FRMPD4: variants seen among roughly 807,000 people sequenced by gnomAD.
FRMPD4 encodes the protein FERM and PDZ domain-containing protein 4.
FRMPD4 carries 22 observed loss-of-function variants against 94.1 expected under a neutral mutation model. That is an observed-to-expected ratio of 0.23 (90% confidence interval 0.17 to 0.33). FRMPD4 has a LOEUF of 0.33. Ranked by LOEUF, FRMPD4 falls within the 10% of genes least tolerant of loss-of-function variation. The pLI, the probability that FRMPD4 is intolerant of heterozygous loss-of-function variation, is 1.00. For missense variants in FRMPD4, 1,111 were observed against 1,339.9 expected, an observed-to-expected ratio of 0.83 and a Z score of 2.67; for synonymous variants, 631 against 548.6, an observed-to-expected ratio of 1.15 and a Z score of -2.10.
At chrX:12,169,283 A>G (rs1203211610) in intron 1 of FRMPD4, among the ~76,000 whole-genome samples, 1 of 111,916 alleles carries the variant, frequency 8.9e-6, no homozygotes, top group African/African-American at 3.3e-5. Context: ...CTGGAGGAAA[A>G]CTAAAGAGGA....
Position 12,498,728 on chromosome X carries a change from C to A in FRMPD4, c.90C>A (p.Gly30=). 8.3e-7 allele frequency: 1 copy of A among 1,203,756 alleles called. No individual in the cohort carries two copies. The highest frequency in any genetic ancestry group is 1.1e-6 in the Non-Finnish European group (1 of 890,286). The change falls in exon 2 of 17, where the codon GGC becomes GGA. Residue 30 remains glycine, a synonymous_variant. Transcript: ENST00000675598. ...SGWPPPSGTW[G]LSQVPPYGWE... ...GGCCGCCTCCCTCGGGAACCTGGGG[C>A]TTGAGCCAGGTGCCGCCCTATGGAT...
At chrX:12,190,688 C>T (rs1345187072) in intron 1 of FRMPD4, among the ~76,000 whole-genome samples, 1 of 78,308 alleles carries the variant, frequency 1.3e-5, no homozygotes, top group Admixed American at 1.4e-4. Flanking sequence ...AACGGGACAT[C>T]CACATTAAAA....
At chrX:12,654,433 C>CA (rs917614678) in intron 4 of FRMPD4, among the ~76,000 whole-genome samples, 1 of 110,633 alleles carries the variant, frequency 9.0e-6, no homozygotes, top group Non-Finnish European at 1.9e-5. Context: ...TCTCCATCAG[C>CA]AAAAAAGGGG....
chrX:12,162,018 T>A (rs1406944007), intron 1 of FRMPD4, among the ~76,000 whole-genome samples: 1 of 111,687 alleles, frequency 9.0e-6, no homozygotes, highest in African/African-American at 3.3e-5. Flanking sequence ...ACGGCCTTTG[T>A]ACATTTTGTT....
intron 9 of FRMPD4, among the ~76,000 whole-genome samples, chrX:12,694,807 C>A (rs966729207): frequency 4.5e-5 from 5 of 111,538 alleles, no homozygotes; most frequent in African/African-American, 1.6e-4. Context: ...GGTCAATTAC[C>A]AAAATAATTC....
rs58794898 is a variant in FRMPD4 at position 12,305,725 on chromosome X, G to GTTTTTTTTTTTTTTTTTTTTTTT, written c.41+166735_41+166736insTTTTTTTTTTTTTTTTTTTTTTT. ...GGCATGTACCACCACAGCTGGCTAA[G>GTTTTTTTTTTTTTTTTTTTTTTT]TTTTTTTTTTTTTTTTTTTTTTACA... On this transcript the variant is annotated intron_variant, in intron 1 of 16. Transcript: ENST00000675598. Among the ~76,000 whole-genome samples the GTTTTTTTTTTTTTTTTTTTTTTT allele has an allele frequency of 2.5e-4, 15 of 59,699 alleles. 1 individual carries two copies. Among genetic ancestry groups the GTTTTTTTTTTTTTTTTTTTTTTT allele is most frequent in the Admixed American group, 8.5e-4 (3 of 3,517 alleles). 51.8% of individuals were successfully genotyped at this position (59,699 alleles called of 115,157 possible).
chrX:12,199,237 A>ATGTGTGTG lies in FRMPD4; in HGVS notation c.41+60251_41+60258dup, dbSNP rs5901464. 9.1e-3 allele frequency among the ~76,000 whole-genome samples: 829 copies of ATGTGTGTG among 91,255 alleles called. 6 individuals carry two copies. The highest frequency in any genetic ancestry group is 0.024 in the African/African-American group (572 of 24,067). The allele number at this position is 91,255 out of a possible 115,157, so 79.2% of individuals were successfully genotyped here. Reference sequence around the variant, plus strand: ...GACAATTTAAATGTTAGAAAGGAAAATGTGTGTGTGTGTGTGTGTGTGTGT... The same window carrying ATGTGTGTG: ...GACAATTTAAATGTTAGAAAGGAAAATGTGTGTGTGTGTGTGTGTGTGTGTGTGTGTGT... On this transcript the variant is annotated intron_variant, in intron 1 of 16. Coordinates refer to ENST00000675598, the MANE Select transcript of FRMPD4 (RefSeq NM_001368397.1).
At chrX:11,942,100 T>C (rs1214065348) in intron 3 of FRMPD4, among the ~76,000 whole-genome samples, 1 of 112,447 alleles carries the variant, frequency 8.9e-6, no homozygotes. Context: ...CAGTATAAAC[T>C]TACGTATTTA....
chrX:12,534,842 T>C lies in FRMPD4; in HGVS notation c.158+36046T>C, dbSNP rs746460525. Among the ~76,000 whole-genome samples, 9 of 112,304 alleles carry C rather than the reference T, an allele frequency of 8.0e-5. No homozygotes were observed. In the South Asian group the frequency reaches 2.2e-3, roughly 28 times the overall value. ...ACTTGCCTTGTTTCAGATGAGACTT[T>C]GGACTGTGGGCTTTTGAGTTAATCC... is the stretch of plus-strand genomic sequence containing the variant. On this transcript the variant is annotated intron_variant, in intron 2 of 16. Transcript: ENST00000675598.
chrX:12,587,003 A>C (rs370172814), intron 2 of FRMPD4, among the ~76,000 whole-genome samples: 1 of 109,543 alleles, frequency 9.1e-6, no homozygotes, highest in Admixed American at 9.7e-5. Context: ...TTGAGACGGA[A>C]TCTCACTCTG....
chrX:12,675,467 T>A (rs949040412), intron 5 of FRMPD4, among the ~76,000 whole-genome samples: 1 of 109,952 alleles, frequency 9.1e-6, no homozygotes, highest in African/African-American at 3.3e-5. Flanking sequence ...ATAATCTGCG[T>A]ACCATAAAAT....
intron 2 of FRMPD4, among the ~76,000 whole-genome samples, chrX:12,573,528 A>G (rs1321187892): frequency 8.9e-6 from 1 of 112,258 alleles, no homozygotes; most frequent in Non-Finnish European, 1.9e-5. Context: ...TACAGTGGTA[A>G]TATGGAGCCA....
At chrX:11,928,009 A>G (rs1436431187) in intron 3 of FRMPD4, among the ~76,000 whole-genome samples, 2 of 112,540 alleles carry the variant, frequency 1.8e-5, no homozygotes, top group African/African-American at 6.5e-5. Context: ...TATGTATCCA[A>G]CAAAAGTCTA....
chrX:12,595,038 G>C (rs933119881), intron 2 of FRMPD4, among the ~76,000 whole-genome samples: 2 of 111,861 alleles, frequency 1.8e-5, no homozygotes, highest in Non-Finnish European at 3.8e-5. Context: ...GTAGCTCTTG[G>C]AAGGCTCAGT....
intron 2 of FRMPD4, among the ~76,000 whole-genome samples, chrX:12,514,762 G>A (rs1184539572): frequency 8.9e-6 from 1 of 111,966 alleles, no homozygotes; most frequent in African/African-American, 3.3e-5. Flanking sequence ...CTTTTCAATT[G>A]TTTGCATTAG....
At chrX:12,271,021 T>C (rs1769053080) in intron 1 of FRMPD4, among the ~76,000 whole-genome samples, 1 of 112,131 alleles carries the variant, frequency 8.9e-6, no homozygotes, top group Non-Finnish European at 1.9e-5. Context: ...CTGCTTCAAA[T>C]AGTAGTATCA....
At chrX:12,330,529 A>G (rs2055355853) in intron 1 of FRMPD4, among the ~76,000 whole-genome samples, 1 of 111,678 alleles carries the variant, frequency 9.0e-6, no homozygotes, top group Non-Finnish European at 1.9e-5. Context: ...TGGCATTGAA[A>G]GTCTGGGCAT....
intron 1 of FRMPD4, among the ~76,000 whole-genome samples, chrX:12,178,354 A>AT (rs1203160796): frequency 8.9e-6 from 1 of 111,902 alleles, no homozygotes; most frequent in South Asian, 3.7e-4. Flanking sequence ...ACCATGAGTG[A>AT]TTTTTTAAAA....
chrX:12,675,549 A>C (rs544173938), intron 5 of FRMPD4, among the ~76,000 whole-genome samples: 1 of 111,223 alleles, frequency 9.0e-6, no homozygotes, highest in East Asian at 2.8e-4. Flanking sequence ...CACCCCATCC[A>C]GTTGGAGGAC....
Sources: gnomAD v4.1 joint callset for allele counts (sites outside exome capture counted in the v4.1 genomes callset) on GRCh38, gnomAD v4.1.1 for gene constraint, MANE v1.5 for transcripts, NCBI Gene and HGNC (gene_info 2026-07-23, HGNC 2026-07-21) for gene names.